Variants in MCC observed in about 807,000 individuals in gnomAD.
MCC encodes MCC regulator of Wnt signaling pathway, also known as colorectal mutant cancer protein.
In MCC, 90 loss-of-function variants were observed where a neutral mutation model predicts 116.2. The observed-to-expected ratio is 0.77, with a 90% CI of 0.65 to 0.92. MCC has a LOEUF of 0.92. Among genes scored for constraint, MCC ranks in the 40% least tolerant of loss-of-function variants. The pLI is 0.00. For synonymous variants in MCC, 578 were observed against 510.5 expected (o/e 1.13, Z -1.78); for missense variants, 1,516 against 1,312.2 (o/e 1.16, Z -2.40).
chr5:113,468,907 T>C (rs1246882135), intron 1 of MCC, among the ~76,000 whole-genome samples: 4 of 152,210 alleles, frequency 2.6e-5, no homozygotes, highest in Non-Finnish European at 5.9e-5. Context: ...TGGTTTAGTC[T>C]TGGGAGGGTG....
intron 17 of MCC, among the ~76,000 whole-genome samples, chr5:113,030,105 C>T (rs1355419172): frequency 6.6e-6 from 1 of 152,182 alleles, no homozygotes; most frequent in Non-Finnish European, 1.5e-5. Context: ...AAAGGACTCA[C>T]TGTATGTAGA....
chr5:113,199,241 C>A (rs969656676), intron 3 of MCC, among the ~76,000 whole-genome samples: 2 of 151,686 alleles, frequency 1.3e-5, no homozygotes, highest in East Asian at 3.9e-4. Flanking sequence ...TAAGTGTGAA[C>A]CAAGGACCAT....
intron 1 of MCC, among the ~76,000 whole-genome samples, chr5:113,442,401 C>CT (rs199916224): frequency 0.018 from 2,765 of 152,196 alleles, 39 homozygotes; most frequent in Middle Eastern, 0.027. Context: ...GATATTAGCC[C>CT]TTTGTCAGAT....
chr5:113,161,487 C>G (rs1342040219), intron 3 of MCC, among the ~76,000 whole-genome samples: 1 of 152,146 alleles, frequency 6.6e-6, no homozygotes, highest in African/African-American at 2.4e-5. Flanking sequence ...GTGAAACAGT[C>G]AATAAACTCC....
At chr5:113,311,469 CCAGAT>C (rs1420250470) in intron 3 of MCC, among the ~76,000 whole-genome samples, 2 of 152,276 alleles carry the variant, frequency 1.3e-5, no homozygotes, top group African/African-American at 2.4e-5. Context: ...CAAGGTCTGG[CCAGAT>C]CAGCCATCAA....
At chr5:113,403,473 C>T (rs202001366) in intron 1 of MCC, among the ~76,000 whole-genome samples, 2 of 152,242 alleles carry the variant, frequency 1.3e-5, no homozygotes, top group East Asian at 3.9e-4. Flanking sequence ...AGGTGTTCTA[C>T]GTAATTAAAC....
intron 14 of MCC, among the ~76,000 whole-genome samples, chr5:113,061,307 T>G (rs999381836): frequency 2.3e-4 from 35 of 152,234 alleles, no homozygotes; most frequent in African/African-American, 7.5e-4. Context: ...GATCCTGTCT[T>G]GGCCACAGTT....
chr5:113,207,349 C>A (rs1019419665), intron 3 of MCC, among the ~76,000 whole-genome samples: 19 of 151,616 alleles, frequency 1.3e-4, no homozygotes, highest in African/African-American at 3.9e-4. Flanking sequence ...TGGTAAGCAT[C>A]CAGTACGTAT....
intron 3 of MCC, among the ~76,000 whole-genome samples, chr5:113,190,221 G>C (rs190455316): frequency 3.9e-5 from 6 of 152,338 alleles, no homozygotes; most frequent in African/African-American, 1.2e-4. Context: ...GAGAGAACTA[G>C]CTGTCTTTTG....
intron 1 of MCC, among the ~76,000 whole-genome samples, chr5:113,429,176 T>C (rs1387565343): frequency 6.6e-6 from 1 of 152,138 alleles, no homozygotes; most frequent in African/African-American, 2.4e-5. Flanking sequence ...TGTGACTCTA[T>C]CTGAAGACAG....
At chr5:113,255,080 G>T (rs937239058) in intron 3 of MCC, among the ~76,000 whole-genome samples, 1 of 152,164 alleles carries the variant, frequency 6.6e-6, no homozygotes. Flanking sequence ...CAGAAAAATC[G>T]ATTAAACCCA....
rs76829908 is a variant in MCC at position 113,439,292 on chromosome 5, A to G, written c.170+48953T>C. Among the ~76,000 whole-genome samples, 990 of 152,312 alleles carry G rather than the reference A, an allele frequency of 6.5e-3. 7 individuals are homozygous for G. The highest frequency in any genetic ancestry group is 0.022 in the African/African-American group (927 of 41,560). ...AAGTCCTAGACCTGGTTGTGGAAGC[A>G]TGCTGAGTACATTTCAAGTGGCTCA... On this transcript the variant is annotated intron_variant, in intron 1 of 18. Transcript: ENST00000408903.
intron 8 of MCC, among the ~76,000 whole-genome samples, chr5:113,096,384 G>C (rs543099480): frequency 6.6e-6 from 1 of 152,330 alleles, no homozygotes; most frequent in South Asian, 2.1e-4. Context: ...TCATGGAAAG[G>C]CCTGGGCACA....
chr5:113,153,629 C>T (rs1377049232), intron 3 of MCC, among the ~76,000 whole-genome samples: 1 of 152,172 alleles, frequency 6.6e-6, no homozygotes, highest in Non-Finnish European at 1.5e-5. Context: ...TGCAATGGAC[C>T]CTTCTACTAG....
intron 3 of MCC, among the ~76,000 whole-genome samples, chr5:113,170,263 T>C (rs574858773): frequency 7.2e-5 from 11 of 152,318 alleles, no homozygotes; most frequent in Non-Finnish European, 1.2e-4. Context: ...TGCTAACTGG[T>C]CCCTTTACTC....
At chr5:113,363,225 C>T (rs909720118) in intron 2 of MCC, among the ~76,000 whole-genome samples, 3 of 152,086 alleles carry the variant, frequency 2.0e-5, no homozygotes, top group East Asian at 1.9e-4. Context: ...TGCAGTGAGC[C>T]GAGATCACGC....
intron 3 of MCC, among the ~76,000 whole-genome samples, chr5:113,171,243 C>G (rs1310366466): frequency 6.6e-6 from 1 of 151,760 alleles, no homozygotes; most frequent in Non-Finnish European, 1.5e-5. Context: ...AGAGCTGTTT[C>G]ATCACTTGGG....
At chr5:113,330,132 C>G (rs931595282) in intron 3 of MCC, among the ~76,000 whole-genome samples, 2 of 152,150 alleles carry the variant, frequency 1.3e-5, no homozygotes, top group South Asian at 2.1e-4. Flanking sequence ...GCTGATCAGA[C>G]CATATTCAAA....
chr5:113,320,911 C>T (rs2150371127), intron 3 of MCC, among the ~76,000 whole-genome samples: 1 of 152,314 alleles, frequency 6.6e-6, no homozygotes, highest in Middle Eastern at 3.4e-3. Context: ...ACCAATGTAA[C>T]ACTCATGATA....
Sources: allele counts gnomAD v4.1 joint callset (sites outside exome capture counted in the v4.1 genomes callset), GRCh38; gene constraint gnomAD v4.1.1; transcripts MANE v1.5; gene names NCBI Gene and HGNC (gene_info 2026-07-23, HGNC 2026-07-21).